ZNF727: variants seen among roughly 807,000 people sequenced by gnomAD.
ZNF727 encodes zinc finger protein 727, also known as putative zinc finger protein 727.
A neutral mutation model predicts 11.5 loss-of-function variants in ZNF727; 11 were observed. That is an observed-to-expected ratio of 0.95 (90% CI 0.60 to 1.58). The LOEUF is 1.58. Among genes scored for constraint, ZNF727 ranks in the 40% most tolerant of loss-of-function variants. The pLI is 0.00. For missense variants in ZNF727, 533 were observed against 581.7 expected, an observed-to-expected ratio of 0.92 and a Z score of 0.86; for synonymous variants, 171 against 196.1, an observed-to-expected ratio of 0.87 and a Z score of 1.07.
chr7:64,064,969 T>C (rs1789839773), intron 1 of ZNF727, among the ~76,000 whole-genome samples: 2 of 152,274 alleles, frequency 1.3e-5, no homozygotes, highest in South Asian at 2.1e-4. Context: ...GTTACCCTCT[T>C]CAGTGCCTCT....
chr7:64,060,473 G>C (rs1310670708), intron 1 of ZNF727, among the ~76,000 whole-genome samples: 1 of 152,154 alleles, frequency 6.6e-6, no homozygotes, highest in Non-Finnish European at 1.5e-5. Flanking sequence ...TTCCAGAGCA[G>C]TTCAGCCAGA....
intron 1 of ZNF727, among the ~76,000 whole-genome samples, chr7:64,061,957 A>G (rs962643254): frequency 1.3e-5 from 2 of 152,090 alleles, no homozygotes; most frequent in African/African-American, 2.4e-5. Context: ...CACTTATAAA[A>G]ATGAACAAAC....
In ZNF727 at chr7:64,079,343, A is replaced by T. The variant is rs1388097011; in HGVS notation, c.*794A>T. On this transcript the variant is annotated 3_prime_UTR_variant, in exon 4 of 4. Coordinates refer to ENST00000456806, the MANE Select transcript of ZNF727 (RefSeq NM_001159522.3). ...GTAGTATAAAGGTAATGACTTGAAG[A>T]ACATTTAATAACATCTTAGAGGGTC... 2.0e-5 allele frequency among the ~76,000 whole-genome samples: 3 copies of T among 152,190 alleles called. No homozygotes were observed. The highest frequency in any genetic ancestry group is 4.4e-5 in the Non-Finnish European group (3 of 68,032).
chr7:64,051,463 A>G (rs1168000690), intron 1 of ZNF727, among the ~76,000 whole-genome samples: 1 of 152,306 alleles, frequency 6.6e-6, no homozygotes, highest in Admixed American at 6.5e-5. Flanking sequence ...AAAACAGGAG[A>G]AAAAAAGCTG....
intron 1 of ZNF727, among the ~76,000 whole-genome samples, chr7:64,068,213 G>A (rs190420623): frequency 6.6e-6 from 1 of 150,750 alleles, no homozygotes; most frequent in African/African-American, 2.5e-5. Flanking sequence ...TTTTTAATAG[G>A]TACCTTGAGG....
intron 3 of ZNF727, among the ~76,000 whole-genome samples, chr7:64,072,893 G>T (rs897275926): frequency 3.3e-5 from 5 of 151,964 alleles, no homozygotes; most frequent in African/African-American, 9.7e-5. Context: ...TTGATAAGGG[G>T]TCTCACCGTA....
rs1198917676 is a variant in ZNF727, at chr7:64,069,548, T to G, written c.165T>G (p.Tyr55Ter). The G allele has an allele frequency of 9.6e-6, 15 of 1,561,940 alleles. No individual in the cohort carries two copies. Among genetic ancestry groups the G allele is most frequent in the Non-Finnish European group, 1.2e-5 (14 of 1,152,310 alleles). ...LAIFKPDLIT[Y>*]LEQRKEPWNA... ...TCTTTAAGCCAGACTTGATTACCTA[T>G]CTGGAGCAAAGAAAAGAGCCTTGGA... is the stretch of plus-strand genomic sequence containing the variant. The change falls in exon 3 of 4, where the codon TAT (tyrosine) becomes TAG (stop). Residue 55 changes from tyrosine (Y) to a stop codon, truncating the protein, a stop_gained. Transcript: ENST00000456806. LOFTEE classifies it high-confidence loss of function.
At chr7:64,071,182 C>A (rs574784984) in intron 3 of ZNF727, among the ~76,000 whole-genome samples, 11 of 151,982 alleles carry the variant, frequency 7.2e-5, no homozygotes, top group Admixed American at 3.3e-4. Flanking sequence ...TTTTAAAGAA[C>A]CTTCATACTG....
At chr7:64,058,979 C>G (rs1376658890) in intron 1 of ZNF727, among the ~76,000 whole-genome samples, 2 of 140,890 alleles carry the variant, frequency 1.4e-5, no homozygotes, top group Non-Finnish European at 3.0e-5. Context: ...GAGTCTCGAT[C>G]AGTTGCCCAG....
intron 3 of ZNF727, among the ~76,000 whole-genome samples, chr7:64,076,562 C>G (rs1167457978): frequency 6.6e-6 from 1 of 152,034 alleles, no homozygotes; most frequent in Non-Finnish European, 1.5e-5. Flanking sequence ...CCACTGCACT[C>G]CAGTCTGGGC....
At chr7:64,063,807 T>C (rs1408590613) in intron 1 of ZNF727, among the ~76,000 whole-genome samples, 3 of 152,116 alleles carry the variant, frequency 2.0e-5, no homozygotes, top group Non-Finnish European at 4.4e-5. Context: ...TGGTGCCCTA[T>C]TCTGCTGTGG....
intron 1 of ZNF727, among the ~76,000 whole-genome samples, chr7:64,051,539 A>G (rs1335277455): frequency 6.6e-6 from 1 of 152,190 alleles, no homozygotes; most frequent in East Asian, 1.9e-4. Flanking sequence ...TAAAATAATA[A>G]AAACAAATAC....
At chr7:64,046,831 T>G (rs1346503411) in intron 1 of ZNF727, among the ~76,000 whole-genome samples, 1 of 152,166 alleles carries the variant, frequency 6.6e-6, no homozygotes, top group Non-Finnish European at 1.5e-5. Flanking sequence ...ACAAAAGGCT[T>G]TTGTAAGAGG....
rs766711748 is a variant in ZNF727, at chr7:64,078,038, A to G, written c.989A>G (p.His330Arg). ...ATGTGGATCTCGGCCCTTAGTCAAC[A>G]TAACAGAATTCATACTGGAGAGAAA... ...AFMWISALSQ[H>R]NRIHTGEKPY... The change falls in exon 4 of 4, where the codon CAT (histidine) becomes CGT (arginine). Residue 330 changes from histidine to arginine, a missense_variant. Physicochemically the swap from His to Arg is conservative, Grantham distance 29. This residue lies in a region of ZNF727 where 463 missense variants were observed against 494.5 expected (regional missense o/e 0.94). Coordinates refer to ENST00000456806, the MANE Select transcript of ZNF727 (RefSeq NM_001159522.3). The G allele has an allele frequency of 3.1e-6, 5 of 1,609,274 alleles. No homozygotes were observed. The highest frequency in any genetic ancestry group is 4.2e-6 in the Non-Finnish European group (5 of 1,177,838).
At chr7:64,050,778 G>GTA (rs1221012791) in intron 1 of ZNF727, among the ~76,000 whole-genome samples, 1,115 of 14,340 alleles carry the variant, frequency 0.078, 12 homozygotes, top group Middle Eastern at 0.28. Context: ...GCATATGTAT[G>GTA]TGTGTGTGTG....
intron 1 of ZNF727, among the ~76,000 whole-genome samples, chr7:64,065,409 G>T (rs1789847219): frequency 6.6e-6 from 1 of 152,080 alleles, no homozygotes. Flanking sequence ...GGAGTTTACT[G>T]GTTCCAAACC....
chr7:64,068,716 A>AT (rs1789909707), intron 1 of ZNF727, among the ~76,000 whole-genome samples, 175 bp from the exon 2 acceptor site: 2 of 152,078 alleles, frequency 1.3e-5, no homozygotes, highest in South Asian at 4.1e-4. Flanking sequence ...ATCTTATGCC[A>AT]TTTTTTCTCA....
Position 64,082,192 on chromosome 7 carries a change from G to C in ZNF727, c.*3643G>C, listed in dbSNP as rs1386187165. On this transcript the variant is annotated 3_prime_UTR_variant, in exon 4 of 4. Transcript: ENST00000456806. Reference sequence around the variant, plus strand: ...GCAAAAATATTTTCAGTTGCTCTTGGAGGCTCTGTCTAGGGAGTTGCGAAG... The same window carrying C: ...GCAAAAATATTTTCAGTTGCTCTTGCAGGCTCTGTCTAGGGAGTTGCGAAG... Among the ~76,000 whole-genome samples, 1 of 152,172 alleles carries C rather than the reference G, an allele frequency of 6.6e-6. No individual in the cohort carries two copies. Among genetic ancestry groups the C allele is most frequent in the Non-Finnish European group, 1.5e-5 (1 of 68,036 alleles).
chr7:64,050,599 C>A (rs1789578221), intron 1 of ZNF727, among the ~76,000 whole-genome samples: 1 of 152,152 alleles, frequency 6.6e-6, no homozygotes, highest in Non-Finnish European at 1.5e-5. Flanking sequence ...GTTTTCCAAA[C>A]AGCCAGTAAA....
Sources: gnomAD v4.1 joint callset for allele counts (sites outside exome capture counted in the v4.1 genomes callset) on GRCh38, gnomAD v4.1.1 for gene constraint, gnomAD v4.1.1 regional missense constraint, MANE v1.5 for transcripts, NCBI Gene and HGNC (gene_info 2026-07-23, HGNC 2026-07-21) for gene names.